Variants in MYO5B observed in about 807,000 individuals in gnomAD.
The protein encoded by MYO5B is myosin VB.
MYO5B carries 143 observed loss-of-function variants against 229.3 expected under a neutral mutation model. The ratio of observed to expected loss-of-function variants is 0.62; its 90% CI spans 0.54 to 0.72. The LOEUF is 0.72. Ranked by LOEUF, MYO5B falls within the 30% of genes least tolerant of loss-of-function variation. MYO5B has a pLI of 0.00. For missense variants in MYO5B, 2,321 were observed against 2,331.0 expected (o/e 1.00, Z 0.09); for synonymous variants, 918 against 885.2 (o/e 1.04, Z -0.66).
At chr18:50,094,839 T>TA (rs57655339) in intron 1 of MYO5B, among the ~76,000 whole-genome samples, 3 of 99,534 alleles carry the variant, frequency 3.0e-5, no homozygotes, top group Non-Finnish European at 6.0e-5. Context: ...AACCTGTACA[T>TA]TTTTTTTTAA....
intron 21 of MYO5B, among the ~76,000 whole-genome samples, chr18:49,898,649 C>A (rs1470691899): frequency 6.6e-6 from 1 of 152,288 alleles, no homozygotes; most frequent in African/African-American, 2.4e-5. Flanking sequence ...ACAGGAAAAA[C>A]AAGTCAGCAC....
chr18:50,066,697 G>A (rs1266138662), intron 1 of MYO5B, among the ~76,000 whole-genome samples: 2 of 152,182 alleles, frequency 1.3e-5, no homozygotes, highest in African/African-American at 4.8e-5. Flanking sequence ...TTTTGAGCTA[G>A]GAAAGTTAAG....
chr18:50,022,832 C>T (rs948767114), intron 4 of MYO5B, among the ~76,000 whole-genome samples: 28 of 152,066 alleles, frequency 1.8e-4, no homozygotes, highest in African/African-American at 6.5e-4. Context: ...CCACGCAGGC[C>T]CTTTACCCCC....
At chr18:49,897,459 A>T (rs572437443) in intron 21 of MYO5B, among the ~76,000 whole-genome samples, 1 of 152,350 alleles carries the variant, frequency 6.6e-6, no homozygotes, top group African/African-American at 2.4e-5. Context: ...CTTAATTTTT[A>T]ATTTTCCTGG....
At chr18:50,067,317 C>A (rs2030844991) in intron 1 of MYO5B, among the ~76,000 whole-genome samples, 2 of 152,190 alleles carry the variant, frequency 1.3e-5, no homozygotes, top group South Asian at 4.1e-4. Flanking sequence ...TACATGGGAG[C>A]TATGGCTGGA....
At chr18:50,127,979 C>G (rs1051426834) in intron 1 of MYO5B, among the ~76,000 whole-genome samples, 2 of 152,204 alleles carry the variant, frequency 1.3e-5, no homozygotes, top group African/African-American at 4.8e-5. Flanking sequence ...AGGTCTCAAG[C>G]CTGCTGGCTT....
chr18:49,942,909 T>C (rs1043237486), intron 14 of MYO5B, among the ~76,000 whole-genome samples: 10 of 152,232 alleles, frequency 6.6e-5, no homozygotes, highest in African/African-American at 2.2e-4. Context: ...TAAAGACACA[T>C]GCACATGTAT....
chr18:49,930,614 T>C (rs1598890267), intron 16 of MYO5B, among the ~76,000 whole-genome samples: 1 of 152,126 alleles, frequency 6.6e-6, no homozygotes, highest in South Asian at 2.1e-4. Context: ...TAAGAAGGGC[T>C]GGATGCGGTG....
At chr18:50,132,727 C>T (rs567623685) in intron 1 of MYO5B, among the ~76,000 whole-genome samples, 2 of 152,298 alleles carry the variant, frequency 1.3e-5, no homozygotes, top group East Asian at 1.9e-4. Flanking sequence ...AGAGAAAATT[C>T]GCATGGGTTG....
intron 12 of MYO5B, 48 bp from the exon 13 acceptor site, chr18:49,954,483 G>C (rs750317440): frequency 1.9e-6 from 3 of 1,612,400 alleles, no homozygotes; most frequent in Non-Finnish European, 2.5e-6. Flanking sequence ...GAGGAAGAAG[G>C]AAGCCCTGGG....
At chr18:50,154,071 T>G (rs2060196308) in intron 1 of MYO5B, among the ~76,000 whole-genome samples, 1 of 152,126 alleles carries the variant, frequency 6.6e-6, no homozygotes, top group Admixed American at 6.5e-5. Context: ...GGCTCCACAA[T>G]TGACCTCCCA....
chr18:50,122,743 CA>C (rs1257785614), intron 1 of MYO5B, among the ~76,000 whole-genome samples: 5 of 150,620 alleles, frequency 3.3e-5, no homozygotes, highest in Non-Finnish European at 7.4e-5. Flanking sequence ...CCCTGAAATG[CA>C]AATCAAAACC....
At chr18:50,061,368 G>A (rs1461775437) in intron 1 of MYO5B, among the ~76,000 whole-genome samples, 1 of 152,112 alleles carries the variant, frequency 6.6e-6, no homozygotes, top group African/African-American at 2.4e-5. Flanking sequence ...TGATGATGAT[G>A]GTGATATTAC....
rs568635560 is a variant in MYO5B at position 50,083,281 on chromosome 18, G to GT, written c.28-27904dup. On this transcript the variant is annotated intron_variant, in intron 1 of 39. Transcript: ENST00000285039. ...AGCTTGCCAAACCCCACCATTTAGAGTTTTTTAAAGTTTCATGACATGGGC... is the reference window on the plus strand; with the variant it reads ...AGCTTGCCAAACCCCACCATTTAGAGTTTTTTTAAAGTTTCATGACATGGGC... 1.4e-4 allele frequency among the ~76,000 whole-genome samples: 21 copies of GT among 152,238 alleles called. No individual in the cohort carries two copies. In the East Asian group the frequency reaches 3.7e-3, roughly 27 times the overall value.
chr18:49,906,709 C>T, intron 18 of MYO5B, 79 bp from the exon 19 acceptor site: 5 of 1,295,118 alleles, frequency 3.9e-6, no homozygotes, highest in Non-Finnish European at 5.6e-6. Flanking sequence ...CTTGTTCTTC[C>T]CATGCAGAAT....
chr18:49,962,511 T>G (rs1198194445), intron 11 of MYO5B, 105 bp from the exon 12 acceptor site: 4 of 1,491,856 alleles, frequency 2.7e-6, no homozygotes, highest in African/African-American at 1.4e-5. Context: ...AGCAGAGAAC[T>G]GCCAGATAAG....
At chr18:49,948,197 A>G (rs979044025) in intron 14 of MYO5B, among the ~76,000 whole-genome samples, 2 of 152,270 alleles carry the variant, frequency 1.3e-5, no homozygotes, top group Admixed American at 6.5e-5. Flanking sequence ...AAGACATAGT[A>G]TAAGAACAGT....
At position 49,839,184 on chromosome 18, in the gene MYO5B, C is replaced by A. The variant is rs2024026087; in HGVS notation, c.4812G>T (p.Gln1604His). The A allele has an allele frequency of 2.0e-5, 32 of 1,614,184 alleles. No homozygotes were observed. The highest frequency in any genetic ancestry group is 2.7e-5 in the Non-Finnish European group (32 of 1,180,044). ...ACACGCCCTCGGCAATTTTAATGAG[C>A]TGCTGGTAGATCTGAATGGAAAGGT... ...LSDLSIQIYQ[Q>H]LIKIAEGVLQ... Residue 1604 changes from glutamine (Q) to histidine (H), a missense_variant, in exon 36 of 40, where the codon CAG becomes CAT. Around this residue, in one of 2 missense-constraint regions of MYO5B, gnomAD observed 2,113 missense variants for 2,044.7 expected, o/e 1.03. Coordinates refer to ENST00000285039, the MANE Select transcript of MYO5B (RefSeq NM_001080467.3).
rs2033282980 is a variant in MYO5B at position 50,194,967 on chromosome 18, G to A, written c.-174C>T. 7.1e-6 allele frequency: 7 copies of A among 989,584 alleles called. No individual in the cohort carries two copies. Among genetic ancestry groups the A allele is most frequent in the Non-Finnish European group, 9.0e-6 (7 of 775,908 alleles). The allele number at this position is 989,584 out of a possible 1,614,324, so 61.3% of individuals were successfully genotyped here. A position where few individuals can be genotyped will look rare whatever the true frequency, so the allele number is the denominator to read the frequency against. On this transcript the variant is annotated 5_prime_UTR_variant, in exon 1 of 40. Transcript: ENST00000285039. ...CAGGCGCCGCGGCCGGCTCGCTCCCGGCGGCGCGACCTTTACTCCCGCCGC... is the reference window on the plus strand; with the variant it reads ...CAGGCGCCGCGGCCGGCTCGCTCCCAGCGGCGCGACCTTTACTCCCGCCGC...
Sources: gnomAD v4.1 joint callset for allele counts (sites outside exome capture counted in the v4.1 genomes callset) on GRCh38, gnomAD v4.1.1 for gene constraint, gnomAD v4.1.1 regional missense constraint, MANE v1.5 for transcripts, NCBI Gene and HGNC (gene_info 2026-07-23, HGNC 2026-07-21) for gene names.